The following NNMT variants were observed in gnomAD, a reference collection of about 807,000 sequenced individuals.
NNMT encodes the protein nicotinamide N-methyltransferase.
Under a neutral mutation model 11.7 loss-of-function variants are expected in NNMT, and 10 were observed. That is an observed-to-expected ratio of 0.85 (90% CI 0.53 to 1.45). The LOEUF is 1.45. Among genes scored for constraint, NNMT ranks in the 40% most tolerant of loss-of-function variants. The pLI is 0.00. For synonymous variants in NNMT, 143 were observed against 133.8 expected (o/e 1.07, Z -0.48); for missense variants, 381 against 319.4 (o/e 1.19, Z -1.47).
chr11:114,258,973 C>T (rs546656568), intron 1 of NNMT, among the ~76,000 whole-genome samples: 3 of 152,342 alleles, frequency 2.0e-5, no homozygotes, highest in African/African-American at 7.2e-5. Context: ...TCAGCTCAAA[C>T]CTTCTCTCAG....
chr11:114,312,408 T>C lies in NNMT; in HGVS notation c.726T>C (p.Tyr242=), dbSNP rs1229061908. Residue 242 remains tyrosine (Y), a synonymous_variant, in exon 3 of 3, where the codon TAT becomes TAC. Coordinates refer to ENST00000299964, the MANE Select transcript of NNMT (RefSeq NM_006169.3). Reference sequence around the variant, plus strand: ...GGTTTGAGGTGATCTCGCAAAGTTATTCTTCCACCATGGCCAACAACGAAG... The same window carrying C: ...GGTTTGAGGTGATCTCGCAAAGTTACTCTTCCACCATGGCCAACAACGAAG... The part of the protein sequence containing the change: ...IEWFEVISQS[Y]SSTMANNEGL... 3 of 1,614,104 alleles carry C rather than the reference T, an allele frequency of 1.9e-6. No homozygotes were observed. The African/African-American group carries it at 4.0e-5, about 22-fold the overall frequency.
chr11:114,280,876 C>T (rs773654066), intron 2 of NNMT, among the ~76,000 whole-genome samples: 6 of 152,152 alleles, frequency 3.9e-5, no homozygotes, highest in African/African-American at 9.7e-5. Flanking sequence ...GCTCATTTGC[C>T]GGCAGCCTGC....
upstream of NNMT, among the ~76,000 whole-genome samples, chr11:114,293,938 G>A (rs1449507019): frequency 6.6e-6 from 1 of 152,098 alleles, no homozygotes; most frequent in Non-Finnish European, 1.5e-5. Context: ...ACACATAATG[G>A]AGTACTATTC....
At chr11:114,262,210 C>CT (rs1945088906) in intron 1 of NNMT, among the ~76,000 whole-genome samples, 1 of 150,908 alleles carries the variant, frequency 6.6e-6, no homozygotes, top group South Asian at 2.1e-4. Flanking sequence ...TTATCTTCAG[C>CT]TTTTAAGTTC....
At chr11:114,262,652 A>G (rs1028137188) in intron 1 of NNMT, among the ~76,000 whole-genome samples, 1 of 152,140 alleles carries the variant, frequency 6.6e-6, no homozygotes, top group Non-Finnish European at 1.5e-5. Context: ...GCTTCCAGCC[A>G]TCTCAAATGG....
Position 114,298,087 on chromosome 11 carries a change from G to T in NNMT, c.291G>T (p.Trp97Cys), listed in dbSNP as rs143577747. 3.1e-6 allele frequency: 5 copies of T among 1,614,064 alleles called. No homozygotes were observed. Among genetic ancestry groups the T allele is most frequent in the Non-Finnish European group, 3.4e-6 (4 of 1,180,048 alleles). The change falls in exon 2 of 3, where the codon TGG becomes TGT. Residue 97 changes from tryptophan to cysteine, a missense_variant. Physicochemically the swap from Trp to Cys is radical, Grantham distance 215 (BLOSUM62 -2). Coordinates refer to ENST00000299964, the MANE Select transcript of NNMT (RefSeq NM_006169.3). ...AGAACCTGCAGGAGCTGGAGAAGTG[G>T]CTGAAGAAAGAGCCAGAGGCCTTTG... ...SDQNLQELEK[W>C]LKKEPEAFDW...
At chr11:114,291,968 T>C (rs950325889), upstream of NNMT, among the ~76,000 whole-genome samples, 4 of 152,242 alleles carry the variant, frequency 2.6e-5, no homozygotes, top group African/African-American at 9.6e-5. Context: ...TGTCTTTATC[T>C]GTTTAAATAT....
At chr11:114,268,832 A>G (rs1366506297) in intron 2 of NNMT, among the ~76,000 whole-genome samples, 1 of 151,528 alleles carries the variant, frequency 6.6e-6, no homozygotes, top group Non-Finnish European at 1.5e-5. Context: ...CCTGAATCAG[A>G]ATTTGTGGGC....
intron 2 of NNMT, among the ~76,000 whole-genome samples, chr11:114,267,453 C>G (rs1418864184): frequency 6.6e-6 from 1 of 152,118 alleles, no homozygotes; most frequent in Non-Finnish European, 1.5e-5. Context: ...GCTTGCCACA[C>G]AATTGTTATG....
chr11:114,284,780 T>TC lies in NNMT; in HGVS notation c.-129-11648_-129-11647insC, dbSNP rs1348503878. On this transcript the variant is annotated intron_variant, in intron 2 of 4. Transcript: ENST00000535401. The stretch of plus-strand genomic sequence containing the variant: ...CCCGGCCATCTTTTTTTTTTTTTTT[T>TC]TTTTTTTTGAGCAGAGTATTGCTCT... Among the ~76,000 whole-genome samples, 967 of 133,622 alleles carry TC rather than the reference T, an allele frequency of 7.2e-3. 17 individuals carry two copies. The highest frequency in any genetic ancestry group is 0.026 in the African/African-American group (928 of 36,200). The allele number at this position is 133,622 out of a possible 152,430, so 87.7% of individuals were successfully genotyped here.
chr11:114,272,797 G>A (rs753069565), intron 2 of NNMT, among the ~76,000 whole-genome samples: 5 of 152,080 alleles, frequency 3.3e-5, no homozygotes, highest in African/African-American at 9.7e-5. Flanking sequence ...ATCAAATAAC[G>A]GGTATCTTTT....
At chr11:114,281,558 G>A (rs1336443730) in intron 2 of NNMT, among the ~76,000 whole-genome samples, 1 of 152,150 alleles carries the variant, frequency 6.6e-6, no homozygotes, top group Non-Finnish European at 1.5e-5. Context: ...TTCAGGCAAA[G>A]GGTCAGACAG....
rs1197793710 is a variant in NNMT, at chr11:114,312,649, G to C, written c.*172G>C. On this transcript the variant is annotated 3_prime_UTR_variant, in exon 3 of 3. Transcript: ENST00000299964. ...CAAGCAATCCATTGACCACTTACTT[G>C]GTGCTGCACACAAATGTTGGTGCTA... 1.7e-6 allele frequency: 1 copy of C among 604,578 alleles called. No homozygotes were observed. Among genetic ancestry groups the C allele is most frequent in the Non-Finnish European group, 2.9e-6 (1 of 348,486 alleles). 37.5% of individuals were successfully genotyped at this position (604,578 alleles called of 1,614,324 possible).
chr11:114,276,995 G>A (rs545941230), intron 2 of NNMT, among the ~76,000 whole-genome samples: 11 of 152,286 alleles, frequency 7.2e-5, no homozygotes, highest in African/African-American at 2.4e-4. Flanking sequence ...AGGCTGAGGC[G>A]GGTGGATCAC....
At chr11:114,309,083 C>T (rs556812882) in intron 2 of NNMT, among the ~76,000 whole-genome samples, 10 of 152,156 alleles carry the variant, frequency 6.6e-5, no homozygotes, top group East Asian at 1.9e-4. Context: ...ACAATGTTCC[C>T]GTTATACAGG....
In NNMT at chr11:114,312,139, C is replaced by A; in HGVS notation, c.457C>A (p.Pro153Thr). The change falls in exon 3 of 3, where the codon CCC becomes ACC. Residue 153 changes from proline (P) to threonine (T), a missense_variant. Physicochemically the swap from Pro to Thr is conservative, Grantham distance 38. Coordinates refer to ENST00000299964, the MANE Select transcript of NNMT (RefSeq NM_006169.3). ...TCAGAGCCAGCCACTGGGGGCCGTC[C>A]CCTTACCCCCGGCTGACTGCGTGCT... Reference protein sequence around the residue: ...VTQSQPLGAVPLPPADCVLST... With the variant: ...VTQSQPLGAVTLPPADCVLST... 6.2e-7 allele frequency: 1 copy of A among 1,613,974 alleles called. No homozygotes were observed. The highest frequency in any genetic ancestry group is 8.5e-7 in the Non-Finnish European group (1 of 1,179,898).
chr11:114,276,642 G>T (rs1022096308), intron 2 of NNMT, among the ~76,000 whole-genome samples: 1 of 152,192 alleles, frequency 6.6e-6, no homozygotes, highest in African/African-American at 2.4e-5. Flanking sequence ...GAGAAATAAA[G>T]CTGTGCTTCT....
rs981954160 is a variant in NNMT, at chr11:114,312,479, G to C, written c.*2G>C. The C allele has an allele frequency of 1.9e-6, 3 of 1,609,806 alleles. No individual in the cohort carries two copies. The highest frequency in any genetic ancestry group is 2.5e-6 in the Non-Finnish European group (3 of 1,177,306). On this transcript the variant is annotated 3_prime_UTR_variant, in exon 3 of 3. Coordinates refer to ENST00000299964, the MANE Select transcript of NNMT (RefSeq NM_006169.3). ...AGGAAGCTGAGCAGACCCCTGTGAT[G>C]CCTGTGACCTCAATTAAAGCAATTC...
intron 2 of NNMT, among the ~76,000 whole-genome samples, chr11:114,265,766 A>G (rs1402129134): frequency 3.3e-5 from 5 of 152,100 alleles, no homozygotes; most frequent in South Asian, 2.1e-4. Flanking sequence ...TTTGCTTCCA[A>G]TCGATTTCTT....
Sources: gnomAD v4.1 joint callset for allele counts (sites outside exome capture counted in the v4.1 genomes callset) on GRCh38, gnomAD v4.1.1 for gene constraint, MANE v1.5 for transcripts, NCBI Gene and HGNC (gene_info 2026-07-23, HGNC 2026-07-21) for gene names.